PTGFRN: variants seen among roughly 807,000 people sequenced by gnomAD.
PTGFRN encodes prostaglandin F2 receptor negative regulator.
A neutral mutation model predicts 83.2 loss-of-function variants in PTGFRN; 35 were observed. The observed-to-expected ratio is 0.42, with a 90% CI of 0.32 to 0.56. The LOEUF (loss-of-function observed/expected upper bound fraction) is 0.56, where lower values mean the gene tolerates loss of function less well. Ranked by LOEUF, PTGFRN falls within the 20% of genes least tolerant of loss-of-function variation. The pLI is 0.11. For missense variants in PTGFRN, 1,051 were observed against 1,179.5 expected (o/e 0.89, Z 1.60); for synonymous variants, 519 against 498.6 (o/e 1.04, Z -0.55).
At chr1:116,955,482 C>A (rs1414459525) in intron 4 of PTGFRN, among the ~76,000 whole-genome samples, 11 of 152,166 alleles carry the variant, frequency 7.2e-5, no homozygotes, top group Admixed American at 2.0e-4. Context: ...CACACACACA[C>A]AAAAACACAC....
intron 3 of PTGFRN, among the ~76,000 whole-genome samples, chr1:116,946,480 C>T (rs1004509961): frequency 1.6e-4 from 25 of 152,316 alleles, no homozygotes; most frequent in Admixed American, 1.6e-3. Flanking sequence ...AGATATTAAA[C>T]TTGCATCAAA....
At chr1:116,982,689 C>T (rs1352951360) in intron 7 of PTGFRN, among the ~76,000 whole-genome samples, 3 of 152,154 alleles carry the variant, frequency 2.0e-5, no homozygotes, top group Non-Finnish European at 2.9e-5. Flanking sequence ...AAGTCCACCT[C>T]CCCACGGGGA....
chr1:116,944,699 G>A lies in PTGFRN; in HGVS notation c.439G>A (p.Val147Met). The change falls in exon 3 of 9, where the codon GTG (valine) becomes ATG (methionine). Residue 147 changes from valine (V) to methionine (M), a missense_variant. This residue lies in a region of PTGFRN where 205 missense variants were observed against 174.5 expected (regional missense o/e 1.17). Coordinates refer to ENST00000393203, the MANE Select transcript of PTGFRN (RefSeq NM_020440.4). ...QVKVLADSLH[V>M]GPSARPPPSL... The stretch of plus-strand genomic sequence containing the variant: ...CGCAGTGCTGGCCGACTCCCTGCAC[G>A]TGGGCCCCAGCGCGCGGCCCCCGCC... 4.9e-6 allele frequency: 7 copies of A among 1,424,614 alleles called. No homozygotes were observed. Among genetic ancestry groups the A allele is most frequent in the Non-Finnish European group, 6.4e-6 (7 of 1,093,358 alleles). The allele number at this position is 1,424,614 out of a possible 1,614,324, so 88.2% of individuals were successfully genotyped here.
intron 8 of PTGFRN, 152 bp from the exon 9 acceptor site, chr1:116,986,649 G>C: frequency 1.6e-6 from 1 of 622,300 alleles, no homozygotes; most frequent in South Asian, 2.5e-5. Flanking sequence ...AGCTTCTCCT[G>C]TCTCCAGTGG....
rs139459738 is a variant in PTGFRN at position 116,961,101 on chromosome 1, C to T, written c.1214-142C>T. The T allele has an allele frequency of 2.0e-3, 1,894 of 929,350 alleles. 3 individuals carry two copies. Among genetic ancestry groups the T allele is most frequent in the Admixed American group, 7.9e-3 (226 of 28,548 alleles). The allele number at this position is 929,350 out of a possible 1,614,324, so 57.6% of individuals were successfully genotyped here. The stretch of plus-strand genomic sequence containing the variant: ...TGTTCTAGGATCCTATCCAATGCAA[C>T]GACTGATTTCTGTCTCTCTAGTCCG... On this transcript the variant is annotated intron_variant, in intron 4 of 8. Coordinates refer to ENST00000393203, the MANE Select transcript of PTGFRN (RefSeq NM_020440.4). The surrounding 1 kb of genome is among the most constrained non-coding windows in gnomAD (Gnocchi z 5.4).
In PTGFRN at chr1:116,912,367, G is replaced by A. The variant is rs188248214; in HGVS notation, c.49+2115G>A. Among the ~76,000 whole-genome samples, 5 of 152,270 alleles carry A rather than the reference G, an allele frequency of 3.3e-5. No individual in the cohort carries two copies. In the East Asian group the frequency reaches 9.7e-4, roughly 29 times the overall value. On this transcript the variant is annotated intron_variant, in intron 1 of 8. Transcript: ENST00000393203. ...TCAGCCTGACCTCTGGGAAGGTCTC[G>A]CTGTGTTACACTGCTCTGGCACTGT...
intron 1 of PTGFRN, among the ~76,000 whole-genome samples, chr1:116,938,621 G>T (rs1649980738): frequency 6.6e-6 from 1 of 152,148 alleles, no homozygotes; most frequent in South Asian, 2.1e-4. Flanking sequence ...GGTGGGGACA[G>T]AGCCAAACCA....
chr1:116,979,417 A>G (rs1190109306), intron 7 of PTGFRN, among the ~76,000 whole-genome samples: 1 of 152,246 alleles, frequency 6.6e-6, no homozygotes, highest in African/African-American at 2.4e-5. Context: ...TGCCAAGTCA[A>G]TCCTAAGCCA....
intron 5 of PTGFRN, chr1:116,962,491 A>C (rs764520273): frequency 2.0e-5 from 3 of 152,430 alleles, no homozygotes; most frequent in Non-Finnish European, 2.9e-5. Context: ...AAGTATATGC[A>C]TTCTGGGCAC....
chr1:116,969,416 T>C (rs1650931890), intron 6 of PTGFRN, among the ~76,000 whole-genome samples: 1 of 152,210 alleles, frequency 6.6e-6, no homozygotes, highest in African/African-American at 2.4e-5. Context: ...ATCATAAATG[T>C]AGGGTTTATT....
At chr1:116,953,939 G>A (rs1055595851) in intron 4 of PTGFRN, among the ~76,000 whole-genome samples, 1 of 147,684 alleles carries the variant, frequency 6.8e-6, no homozygotes, top group Non-Finnish European at 1.5e-5. Context: ...TGCAACCTCC[G>A]CCTCCCAGAT....
intron 7 of PTGFRN, among the ~76,000 whole-genome samples, chr1:116,975,808 C>T (rs1261367803): frequency 6.6e-6 from 1 of 152,148 alleles, no homozygotes; most frequent in East Asian, 1.9e-4. Context: ...TTCTAAAAAT[C>T]AGAGCACCTC....
At chr1:116,911,250 C>T (rs1457251096) in intron 1 of PTGFRN, among the ~76,000 whole-genome samples, 1 of 152,174 alleles carries the variant, frequency 6.6e-6, no homozygotes, top group African/African-American at 2.4e-5. Context: ...GTGACCTGGC[C>T]TGGGGTTCTC....
rs772047408 is a variant in PTGFRN at position 116,918,923 on chromosome 1, G to A, written c.49+8671G>A. Among the ~76,000 whole-genome samples, 1 of 152,170 alleles carries A rather than the reference G, an allele frequency of 6.6e-6. No individual in the cohort carries two copies. Among genetic ancestry groups the A allele is most frequent in the Non-Finnish European group, 1.5e-5 (1 of 68,034 alleles). Reference sequence around the variant, plus strand: ...ACACGTGGGATAGGCAGGTGAGTGGGGCTTCCAGGCTTGATGCACCTGCAG... The same window carrying A: ...ACACGTGGGATAGGCAGGTGAGTGGAGCTTCCAGGCTTGATGCACCTGCAG... On this transcript the variant is annotated intron_variant, in intron 1 of 8. Coordinates refer to ENST00000393203, the MANE Select transcript of PTGFRN (RefSeq NM_020440.4). This position sits in a 1 kb window ranked among gnomAD's most constrained non-coding sequence, Gnocchi z 4.1.
In PTGFRN at chr1:116,958,465, G is replaced by A. The variant is rs1650557697; in HGVS notation, c.1214-2778G>A. Among the ~76,000 whole-genome samples the A allele has an allele frequency of 6.6e-6, 1 of 152,184 alleles. No homozygotes were observed. On this transcript the variant is annotated intron_variant, in intron 4 of 8. Coordinates refer to ENST00000393203, the MANE Select transcript of PTGFRN (RefSeq NM_020440.4). The surrounding 1 kb of genome is among the most constrained non-coding windows in gnomAD (Gnocchi z 4.9). ...AGAAGACAGGGCTCCGTTCCCATCT[G>A]CCACTTTTGAACTGTGTGGCCAAGT...
chr1:116,930,681 G>A (rs1280596957), intron 1 of PTGFRN, among the ~76,000 whole-genome samples: 1 of 152,044 alleles, frequency 6.6e-6, no homozygotes, highest in Non-Finnish European at 1.5e-5. Context: ...TCCTGTCATT[G>A]CCCTTGTTTT....
rs1341053790 is a variant in PTGFRN, at chr1:116,934,675, T to C, written c.50-7040T>C. Reference sequence around the variant, plus strand: ...CTGGATCCCTGGAGGTCTGTTTCTATTGTCTTATTTTTTCTCTTTTGTTTT... The same window carrying C: ...CTGGATCCCTGGAGGTCTGTTTCTACTGTCTTATTTTTTCTCTTTTGTTTT... On this transcript the variant is annotated intron_variant, in intron 1 of 8. Transcript: ENST00000393203. Among the ~76,000 whole-genome samples the C allele has an allele frequency of 5.5e-5, 8 of 145,662 alleles. No individual in the cohort carries two copies. The East Asian group carries it at 1.6e-3, about 29-fold the overall frequency.
At position 116,961,305 on chromosome 1, in the gene PTGFRN, G is replaced by T; in HGVS notation, c.1276G>T (p.Glu426Ter). The change falls in exon 5 of 9, where the codon GAG becomes TAG. Residue 426 changes from glutamate to a stop codon, truncating the protein, a stop_gained. Coordinates refer to ENST00000393203, the MANE Select transcript of PTGFRN (RefSeq NM_020440.4). LOFTEE classifies it high-confidence loss of function. This position sits in a 1 kb window ranked among gnomAD's most constrained non-coding sequence, Gnocchi z 5.4. ...KVPGFADDPTELACRVVDTKS... is the reference protein window; with the variant it reads ...KVPGFADDPT ...CCCCGGGTTTGCGGATGACCCCACA[G>T]AGCTGGCATGCCGGGTGGTGGACAC... The T allele has an allele frequency of 6.4e-7, 1 of 1,557,712 alleles. No individual in the cohort carries two copies. Among genetic ancestry groups the T allele is most frequent in the Non-Finnish European group, 8.7e-7 (1 of 1,149,846 alleles).
intron 7 of PTGFRN, 67 bp downstream of exon 7, chr1:116,974,390 C>G (rs1296370809): frequency 8.2e-7 from 1 of 1,215,446 alleles, no homozygotes; most frequent in East Asian, 2.3e-5. Flanking sequence ...ATCATCCGCA[C>G]TGTGTTACAC....
Sources: allele counts gnomAD v4.1 joint callset (sites outside exome capture counted in the v4.1 genomes callset), GRCh38; gene constraint gnomAD v4.1.1; regional missense constraint gnomAD v4.1.1; non-coding constraint Gnocchi (gnomAD v3.1); transcripts MANE v1.5; gene names NCBI Gene and HGNC (gene_info 2026-07-23, HGNC 2026-07-21).